Variants in MEGF11 observed in about 807,000 individuals in gnomAD.
MEGF11 encodes multiple epidermal growth factor-like domains protein 11.
In MEGF11, 126 loss-of-function variants were observed where a neutral mutation model predicts 146.6. The observed-to-expected ratio is 0.86, with a 90% confidence interval of 0.74 to 1.00. The LOEUF is 1.00. Among genes scored for constraint, MEGF11 ranks in the 50% least tolerant of loss-of-function variants. The probability of loss-of-function intolerance (pLI) is 0.00; values close to 1 mark genes in which losing one functional copy is unlikely to be tolerated. For synonymous variants in MEGF11, 532 were observed against 583.4 expected (o/e 0.91, Z 1.27); for missense variants, 1,509 against 1,521.2 (o/e 0.99, Z 0.13).
At chr15:66,028,325 T>G (rs1195205888) in intron 5 of MEGF11, among the ~76,000 whole-genome samples, 1 of 152,128 alleles carries the variant, frequency 6.6e-6, no homozygotes, top group East Asian at 1.9e-4. Context: ...AAATGCAAAT[T>G]AACACAACAG....
chr15:66,247,747 G>C (rs977075494), intron 1 of MEGF11, among the ~76,000 whole-genome samples: 2 of 151,834 alleles, frequency 1.3e-5, no homozygotes, highest in Non-Finnish European at 2.9e-5. Flanking sequence ...TTAAAAAAAA[G>C]ATGGTTCAGC....
intron 23 of MEGF11, among the ~76,000 whole-genome samples, chr15:65,908,630 G>A (rs1253273119): frequency 6.6e-6 from 1 of 152,228 alleles, no homozygotes; most frequent in South Asian, 2.1e-4. Flanking sequence ...GTCTCTGGGA[G>A]ACATTGGACT....
At chr15:66,045,445 A>T (rs333601) in intron 5 of MEGF11, among the ~76,000 whole-genome samples, 148,995 of 152,302 alleles carry the variant, frequency 0.98, 72,966 homozygotes, top group Middle Eastern at 1. Flanking sequence ...GCCCATCCCA[A>T]GCCCTGAATT....
chr15:65,901,055 A>G (rs2078483487), intron 24 of MEGF11, among the ~76,000 whole-genome samples: 1 of 152,186 alleles, frequency 6.6e-6, no homozygotes. Context: ...TGGAGACCCC[A>G]TGTGCACAGG....
At chr15:65,920,009 T>C (rs2079125364) in intron 15 of MEGF11, among the ~76,000 whole-genome samples, 2 of 152,242 alleles carry the variant, frequency 1.3e-5, no homozygotes, top group Non-Finnish European at 2.9e-5. Flanking sequence ...GTTCACTTAC[T>C]CTTGGAATAC....
intron 5 of MEGF11, among the ~76,000 whole-genome samples, chr15:66,058,918 C>T (rs2084786446): frequency 6.6e-6 from 1 of 152,146 alleles, no homozygotes; most frequent in Non-Finnish European, 1.5e-5. Context: ...TGCCCTGAGT[C>T]TCCCCATTAC....
intron 5 of MEGF11, among the ~76,000 whole-genome samples, chr15:66,021,761 A>G (rs549798225): frequency 6.6e-6 from 1 of 152,308 alleles, no homozygotes; most frequent in East Asian, 1.9e-4. Context: ...TGTGAGTTGG[A>G]CATCTCAGGA....
At chr15:65,968,650 A>C (rs969397590) in intron 8 of MEGF11, among the ~76,000 whole-genome samples, 1 of 152,150 alleles carries the variant, frequency 6.6e-6, no homozygotes. Flanking sequence ...TACACAAAGC[A>C]TGCTAATAAT....
At chr15:66,214,835 C>T (rs1249791797) in intron 1 of MEGF11, among the ~76,000 whole-genome samples, 1 of 152,034 alleles carries the variant, frequency 6.6e-6, no homozygotes, top group Non-Finnish European at 1.5e-5. Flanking sequence ...CACTCAAGGC[C>T]CAGCTCAGAG....
intron 1 of MEGF11, among the ~76,000 whole-genome samples, chr15:66,201,962 A>C (rs980525972): frequency 1.4e-5 from 2 of 147,902 alleles, no homozygotes; most frequent in Non-Finnish European, 3.0e-5. Flanking sequence ...AAAAAAAAAA[A>C]AAAAAAAAAA....
At chr15:66,252,150 C>G (rs112943670) in intron 1 of MEGF11, among the ~76,000 whole-genome samples, 23,892 of 152,124 alleles carry the variant, frequency 0.16, 2,983 homozygotes, top group African/African-American at 0.34. Flanking sequence ...GCCCCTCCGA[C>G]TCCGGGAACG....
rs540741456 is a variant in MEGF11 at position 66,108,450 on chromosome 15, T to C, written c.301+10636A>G. 2.0e-5 allele frequency among the ~76,000 whole-genome samples: 3 copies of C among 152,230 alleles called. No individual in the cohort carries two copies. In the South Asian group the frequency reaches 6.2e-4, roughly 32 times the overall value. On this transcript the variant is annotated intron_variant, in intron 4 of 25. Coordinates refer to ENST00000395614, the MANE Select transcript of MEGF11 (RefSeq NM_001385028.1). ...ACAGAAATTTTAAAAATGTATATTC[T>C]ATGCCAGGTAGTGATAGTGCAAAGA... is the stretch of plus-strand genomic sequence containing the variant.
chr15:66,014,367 G>A (rs923678962), intron 5 of MEGF11, among the ~76,000 whole-genome samples: 1 of 152,142 alleles, frequency 6.6e-6, no homozygotes, highest in Non-Finnish European at 1.5e-5. Flanking sequence ...GACACTATTC[G>A]ATCCAGTATA....
intron 8 of MEGF11, chr15:65,967,270 G>GAGCC (rs1251125767): frequency 6.6e-6 from 1 of 152,178 alleles, no homozygotes; most frequent in Admixed American, 6.5e-5. Flanking sequence ...TCTTATAACA[G>GAGCC]AGCCCATCTG....
intron 1 of MEGF11, among the ~76,000 whole-genome samples, chr15:66,131,211 G>A (rs893461792): frequency 3.3e-5 from 5 of 152,228 alleles, no homozygotes; most frequent in Non-Finnish European, 1.5e-5. Context: ...GGAAGAGAAA[G>A]TGCCCAGGAG....
At chr15:66,119,025 C>T (rs1597101514) in intron 4 of MEGF11, 61 bp downstream of exon 4, 1 of 1,158,474 alleles carries the variant, frequency 8.6e-7, no homozygotes, top group Non-Finnish European at 1.3e-6. Flanking sequence ...CCCTCCCCTC[C>T]CCTCCTTTTG....
At chr15:66,151,873 G>C (rs7163246) in intron 1 of MEGF11, among the ~76,000 whole-genome samples, 17,847 of 152,296 alleles carry the variant, frequency 0.12, 2,081 homozygotes, top group African/African-American at 0.31. Context: ...CTCCCCACCC[G>C]GCTGCTGCCC....
intron 7 of MEGF11, among the ~76,000 whole-genome samples, chr15:65,974,996 C>T (rs1215866174): frequency 6.6e-6 from 1 of 152,120 alleles, no homozygotes; most frequent in Non-Finnish European, 1.5e-5. Context: ...CAGGTGCCCG[C>T]CACCACGCCC....
At chr15:66,127,064 C>G (rs1036948691) in intron 2 of MEGF11, among the ~76,000 whole-genome samples, 1 of 152,166 alleles carries the variant, frequency 6.6e-6, no homozygotes. Flanking sequence ...AACGGCTGCC[C>G]TTGATCCTCC....
Sources: gnomAD v4.1 joint callset for allele counts (sites outside exome capture counted in the v4.1 genomes callset) on GRCh38, gnomAD v4.1.1 for gene constraint, MANE v1.5 for transcripts, NCBI Gene and HGNC (gene_info 2026-07-23, HGNC 2026-07-21) for gene names.